ABCC5: variants seen among roughly 807,000 people sequenced by gnomAD.
ABCC5 encodes the protein ATP-binding cassette sub-family C member 5.
ABCC5 carries 61 observed loss-of-function variants against 160.9 expected under a neutral mutation model. The ratio of observed to expected loss-of-function variants is 0.38; its 90% CI spans 0.31 to 0.47. The LOEUF is 0.47. ABCC5 is among the 20% of genes least tolerant of loss of function. The pLI is 0.99. For missense variants in ABCC5, 1,308 were observed against 1,813.3 expected (o/e 0.72, Z 5.06); for synonymous variants, 666 against 700.6 (o/e 0.95, Z 0.78).
At chr3:183,930,464 T>A (rs1243322489) in intron 26 of ABCC5, among the ~76,000 whole-genome samples, 1 of 152,230 alleles carries the variant, frequency 6.6e-6, no homozygotes. Context: ...AAAAGACACC[T>A]AAGTACCTAA....
intron 26 of ABCC5, 88 bp from the exon 27 acceptor site, chr3:183,928,913 G>A (rs1199944431): frequency 1.2e-5 from 13 of 1,071,064 alleles, no homozygotes; most frequent in Non-Finnish European, 1.6e-5. Context: ...TAACACACAT[G>A]CATAGGGAGA....
At chr3:183,957,336 G>A (rs201728826) in intron 17 of ABCC5, among the ~76,000 whole-genome samples, 1,005 of 99,582 alleles carry the variant, frequency 0.01, 7 homozygotes, top group East Asian at 0.025. Flanking sequence ...ATGCGGGTCC[G>A]TGTGTACATC....
chr3:183,995,893 C>T (rs561188969), intron 2 of ABCC5, among the ~76,000 whole-genome samples: 11 of 152,088 alleles, frequency 7.2e-5, no homozygotes, highest in Admixed American at 3.9e-4. Context: ...CTGCAAGCTC[C>T]GCCTCCCGGG....
chr3:183,937,535 C>A (rs142097661), intron 26 of ABCC5, among the ~76,000 whole-genome samples: 2 of 152,338 alleles, frequency 1.3e-5, no homozygotes, highest in East Asian at 1.9e-4. Context: ...ATATAATTTA[C>A]ATGAACTTAT....
intron 26 of ABCC5, among the ~76,000 whole-genome samples, chr3:183,935,093 G>C (rs1713559153): frequency 6.6e-6 from 1 of 151,716 alleles, no homozygotes; most frequent in South Asian, 2.1e-4. Flanking sequence ...GAGCCAGGCT[G>C]GTCTCAAACT....
chr3:183,937,764 C>T (rs1350946583), intron 26 of ABCC5, 137 bp downstream of exon 26: 5 of 939,498 alleles, frequency 5.3e-6, no homozygotes, highest in Non-Finnish European at 4.8e-6. Context: ...CCAGCAAGCA[C>T]ATGGTGCAGT....
At position 183,942,884 on chromosome 3, in the gene ABCC5, C is replaced by A. The variant is rs761436744; in HGVS notation, c.3537G>T (p.Lys1179Asn). 1.2e-6 allele frequency: 2 copies of A among 1,613,746 alleles called. No individual in the cohort carries two copies. Residue 1179 changes from lysine to asparagine, a missense_variant, in exon 25 of 30, where the codon AAG (lysine) becomes AAT (asparagine). Transcript: ENST00000334444. Reference sequence around the variant, plus strand: ...GCCAGTCAGGGGAGGGAGCCTTGTTCTTAATTCTGGCAGGTGCTTCCAAGG... The same window carrying A: ...GCCAGTCAGGGGAGGGAGCCTTGTTATTAATTCTGGCAGGTGCTTCCAAGG... ...TLSLEAPARI[K>N]NKAPSPDWPQ...
At chr3:184,008,024 T>C (rs1721380551) in intron 2 of ABCC5, among the ~76,000 whole-genome samples, 1 of 152,204 alleles carries the variant, frequency 6.6e-6, no homozygotes, top group African/African-American at 2.4e-5. Context: ...TCCAGCCAAA[T>C]GATACCTCCT....
Position 183,951,335 on chromosome 3 carries a change from C to A in ABCC5, c.2944+106G>T. ...GGTGAAAACACCAGCAGTCACTGTG[C>A]TCTCAGGATCTACAGACAGACAGAT... On this transcript the variant is annotated intron_variant, in intron 20 of 29. Transcript: ENST00000334444. The surrounding 1 kb of genome is among the most constrained non-coding windows in gnomAD (Gnocchi z 4.7). The A allele has an allele frequency of 7.0e-7, 1 of 1,432,214 alleles. No individual in the cohort carries two copies. The highest frequency in any genetic ancestry group is 9.4e-7 in the Non-Finnish European group (1 of 1,061,752). The allele number at this position is 1,432,214 out of a possible 1,614,324, so 88.7% of individuals were successfully genotyped here. A position where few individuals can be genotyped will look rare whatever the true frequency, so the allele number is the denominator to read the frequency against.
intron 12 of ABCC5, among the ~76,000 whole-genome samples, chr3:183,965,966 T>C (rs1412577898): frequency 6.6e-6 from 1 of 152,130 alleles, no homozygotes; most frequent in Non-Finnish European, 1.5e-5. Context: ...AGGTTAGACA[T>C]CACCTAGTAT....
intron 29 of ABCC5, among the ~76,000 whole-genome samples, chr3:183,923,297 C>T (rs980222565): frequency 6.6e-6 from 1 of 151,974 alleles, no homozygotes; most frequent in South Asian, 2.1e-4. Flanking sequence ...AGCCACCCAT[C>T]GAAAGAAAGG....
At position 183,971,841 on chromosome 3, in the gene ABCC5, C is replaced by T. The variant is rs778058381; in HGVS notation, c.1483G>A (p.Ala495Thr). 10 of 1,613,972 alleles carry T rather than the reference C, an allele frequency of 6.2e-6. No homozygotes were observed. The highest frequency in any genetic ancestry group is 2.2e-5 in the South Asian group (2 of 91,068). ...SPHIKIEMKN[A>T]TLAWDSSHSS... ...TGGGAGGAGTCCCATGCCAAGGTGG[C>T]ATTTTTCATCTCTATCTTGATGTGA... Residue 495 changes from alanine (A) to threonine (T), a missense_variant, in exon 11 of 30, where the codon GCC becomes ACC. Ala to Thr is a moderately conservative substitution (Grantham distance 58). Coordinates refer to ENST00000334444, the MANE Select transcript of ABCC5 (RefSeq NM_005688.4).
Position 183,988,775 on chromosome 3 carries a change from G to C in ABCC5, c.288-48C>G, listed in dbSNP as rs374270564. 201 of 1,585,248 alleles carry C rather than the reference G, an allele frequency of 1.3e-4. No individual in the cohort carries two copies. Among genetic ancestry groups the C allele is most frequent in the Admixed American group, 2.8e-4 (16 of 56,522 alleles). On this transcript the variant is annotated intron_variant, in intron 3 of 29. Transcript: ENST00000334444. The surrounding 1 kb of genome is among the most constrained non-coding windows in gnomAD (Gnocchi z 4.4). ...ACAAAGCTATCAACACGCACGGAGAGGGCAGCCCGTGTTTAATGGACACTG... is the reference window on the plus strand; with the variant it reads ...ACAAAGCTATCAACACGCACGGAGACGGCAGCCCGTGTTTAATGGACACTG...
At position 183,961,619 on chromosome 3, in the gene ABCC5, T is replaced by C. The variant is rs138627051; in HGVS notation, c.2271A>G (p.Lys757=). 5 of 1,614,242 alleles carry C rather than the reference T, an allele frequency of 3.1e-6. No homozygotes were observed. Among genetic ancestry groups the C allele is most frequent in the African/African-American group, 1.3e-5 (1 of 75,062 alleles). The stretch of plus-strand genomic sequence containing the variant: ...TGCCTCTTTCCGTAATACAGCCCTC[T>C]TTCATGAAGATCACTTCATCACAGT... ...LVDCDEVIFM[K]EGCITERGTH... Residue 757 remains lysine, a synonymous_variant, in exon 16 of 30, where the codon AAA becomes AAG. Transcript: ENST00000334444.
chr3:183,980,719 T>TC (rs1491245133), intron 8 of ABCC5, among the ~76,000 whole-genome samples: 5 of 118,004 alleles, frequency 4.2e-5, no homozygotes, highest in Admixed American at 1.7e-4. Flanking sequence ...GTTTTGTTTT[T>TC]TTTTTTTTTT....
At chr3:183,931,057 T>G (rs1035320588) in intron 26 of ABCC5, among the ~76,000 whole-genome samples, 2 of 152,190 alleles carry the variant, frequency 1.3e-5, no homozygotes, top group Non-Finnish European at 2.9e-5. Context: ...AAGTTTAATT[T>G]ATAAATTAGG....
At chr3:183,984,079 T>A in intron 5 of ABCC5, 1 of 985,378 alleles carries the variant, frequency 1.0e-6, no homozygotes, top group Non-Finnish European at 1.2e-6. Context: ...AAGACCTTGC[T>A]GCTAAGGAAA....
At chr3:184,009,655 G>A (rs1230308397) in intron 2 of ABCC5, among the ~76,000 whole-genome samples, 1 of 152,136 alleles carries the variant, frequency 6.6e-6, no homozygotes, top group Non-Finnish European at 1.5e-5. Flanking sequence ...GATGGTGTCT[G>A]AACTTACAAA....
In ABCC5 at chr3:183,951,638, C is replaced by T. The variant is rs1016629950; in HGVS notation, c.2815-68G>A. On this transcript the variant is annotated intron_variant, in intron 19 of 29. Transcript: ENST00000334444. The surrounding 1 kb of genome is among the most constrained non-coding windows in gnomAD (Gnocchi z 4.7). Reference sequence around the variant, plus strand: ...CTGTTCCTACTGGTCCAGAGAACCGCTCCGCAGCACATCCACTCCCAAAGC... The same window carrying T: ...CTGTTCCTACTGGTCCAGAGAACCGTTCCGCAGCACATCCACTCCCAAAGC... The T allele has an allele frequency of 2.5e-6, 4 of 1,573,054 alleles. No individual in the cohort carries two copies. In the African/African-American group the frequency reaches 5.4e-5, roughly 21 times the overall value.
Sources: allele counts gnomAD v4.1 joint callset (sites outside exome capture counted in the v4.1 genomes callset), GRCh38; gene constraint gnomAD v4.1.1; non-coding constraint Gnocchi (gnomAD v3.1); transcripts MANE v1.5; gene names NCBI Gene and HGNC (gene_info 2026-07-23, HGNC 2026-07-21).